DST: variants seen among roughly 807,000 people sequenced by gnomAD.
DST encodes dystonin, also known as bullous pemphigoid antigen.
Under a neutral mutation model 875.2 loss-of-function variants are expected in DST, and 253 were observed. The ratio of observed to expected loss-of-function variants is 0.29; its 90% CI spans 0.26 to 0.32. The LOEUF (loss-of-function observed/expected upper bound fraction) is 0.32, where lower values mean the gene tolerates loss of function less well. Among genes scored for constraint, DST ranks in the 10% least tolerant of loss-of-function variants. DST has a pLI of 1.00. For synonymous variants in DST, 3,124 were observed against 3,197.1 expected (o/e 0.98, Z 0.77); for missense variants, 8,287 against 9,111.6 (o/e 0.91, Z 3.68).
At chr6:56,806,979 A>C (rs2099753661) in intron 4 of DST, among the ~76,000 whole-genome samples, 1 of 152,174 alleles carries the variant, frequency 6.6e-6, no homozygotes, top group Non-Finnish European at 1.5e-5. Context: ...GGCTGAGAGA[A>C]ATTAAAGGAG....
intron 55 of DST, among the ~76,000 whole-genome samples, chr6:56,567,043 GAAT>G (rs1318455725): frequency 2.0e-5 from 3 of 152,288 alleles, no homozygotes; most frequent in Middle Eastern, 3.4e-3. Flanking sequence ...AAACTGATGG[GAAT>G]AATAATACCT....
intron 9 of DST, among the ~76,000 whole-genome samples, chr6:56,690,075 C>CA (rs1241118181): frequency 2.0e-5 from 3 of 152,182 alleles, no homozygotes; most frequent in Non-Finnish European, 2.9e-5. Context: ...CTATTAACAT[C>CA]AATTCCTGCT....
At chr6:56,739,085 C>T in intron 4 of DST, among the ~76,000 whole-genome samples, 1 of 148,774 alleles carries the variant, frequency 6.7e-6, no homozygotes, top group Non-Finnish European at 1.5e-5. Context: ...ATCTATACCT[C>T]ATTCATCTTT....
intron 2 of DST, among the ~76,000 whole-genome samples, chr6:56,938,957 C>T (rs1052190383): frequency 2.6e-5 from 4 of 152,182 alleles, no homozygotes; most frequent in Non-Finnish European, 4.4e-5. Flanking sequence ...CACCAACCCA[C>T]GGAATTGTGA....
At chr6:56,701,596 G>C (rs948504718) in intron 8 of DST, among the ~76,000 whole-genome samples, 1 of 152,082 alleles carries the variant, frequency 6.6e-6, no homozygotes, top group Non-Finnish European at 1.5e-5. Flanking sequence ...CTACTAAAAT[G>C]TCATTAACTT....
intron 36 of DST, chr6:56,624,250 T>G (rs1002883123): frequency 1.7e-5 from 10 of 591,022 alleles, no homozygotes; most frequent in Admixed American, 9.0e-5. Flanking sequence ...AATTTCGTAA[T>G]TTATTTAAGA....
chr6:56,754,673 C>G (rs2099597261), intron 4 of DST, among the ~76,000 whole-genome samples: 1 of 151,982 alleles, frequency 6.6e-6, no homozygotes, highest in African/African-American at 2.4e-5. Context: ...GAGCTGGATT[C>G]AAACAAATCA....
At chr6:56,484,047 C>G (rs2095487955) in intron 88 of DST, 1 of 152,136 alleles carries the variant, frequency 6.6e-6, no homozygotes, top group South Asian at 2.1e-4. Flanking sequence ...CTTGAGCCTT[C>G]CAGTTGTATT....
chr6:56,767,587 C>T (rs1483676973), intron 4 of DST, among the ~76,000 whole-genome samples: 1 of 151,418 alleles, frequency 6.6e-6, no homozygotes, highest in Non-Finnish European at 1.5e-5. Context: ...ACTGTACTTG[C>T]CTGGGTGACA....
chr6:56,619,419 C>A, intron 36 of DST: 1 of 1,613,100 alleles, frequency 6.2e-7, no homozygotes, highest in South Asian at 1.1e-5. Context: ...AGCAACTGCT[C>A]ATGGCTTTTC....
intron 36 of DST, chr6:56,616,569 C>A: frequency 1.2e-6 from 2 of 1,614,128 alleles, no homozygotes; most frequent in Non-Finnish European, 1.7e-6. Context: ...TAATACAGAG[C>A]TTGCTTGTTA....
At chr6:56,615,920 T>C (rs1385382708) in intron 36 of DST, 1 of 1,614,246 alleles carries the variant, frequency 6.2e-7, no homozygotes, top group South Asian at 1.1e-5. Context: ...CTGTCGCAGC[T>C]GCTGGGCAAA....
chr6:56,577,861 C>T (rs1308688584), intron 50 of DST, among the ~76,000 whole-genome samples: 1 of 152,100 alleles, frequency 6.6e-6, no homozygotes, highest in Non-Finnish European at 1.5e-5. Flanking sequence ...AAACTAAATA[C>T]TGTGGTTAGA....
intron 78 of DST, among the ~76,000 whole-genome samples, chr6:56,502,086 A>C (rs1006028581): frequency 6.6e-6 from 1 of 152,132 alleles, no homozygotes; most frequent in Non-Finnish European, 1.5e-5. Context: ...TAAGAAACTC[A>C]AATTAGTATT....
intron 4 of DST, among the ~76,000 whole-genome samples, chr6:56,767,807 G>A (rs966438718): frequency 6.6e-6 from 1 of 151,934 alleles, no homozygotes; most frequent in Non-Finnish European, 1.5e-5. Context: ...TTGAGAAGGG[G>A]GGCATCTGAA....
At chr6:56,559,401 A>C (rs2152564468) in intron 58 of DST, among the ~76,000 whole-genome samples, 1 of 152,244 alleles carries the variant, frequency 6.6e-6, no homozygotes, top group African/African-American at 2.4e-5. Context: ...TTGAACATGA[A>C]GATCCCTTAG....
chr6:56,841,339 T>G (rs2099799735), intron 4 of DST, among the ~76,000 whole-genome samples: 1 of 152,210 alleles, frequency 6.6e-6, no homozygotes, highest in Admixed American at 6.5e-5. Context: ...TACAAATTGA[T>G]GAACTAAGCA....
At chr6:56,950,890 A>C (rs1049371673) in intron 2 of DST, among the ~76,000 whole-genome samples, 2 of 152,188 alleles carry the variant, frequency 1.3e-5, no homozygotes, top group Non-Finnish European at 1.5e-5. Flanking sequence ...TATTATAAAC[A>C]TCTATATTAC....
Position 56,501,628 on chromosome 6 carries a change from A to C in DST, c.19632T>G (p.Leu6544=). Residue 6544 remains leucine, a synonymous_variant, in exon 79 of 104, where the codon CTT becomes CTG. Coordinates refer to ENST00000680361, the MANE Select transcript of DST (RefSeq NM_001374736.1). ...EMERLNHQAE[L]LLKKVTEESD... ...TCTCTTCTGTTACTTTCTTTAGCAA[A>C]AGCTCTGCTTGATGATTCAGTCTTT... 1.2e-6 allele frequency: 2 copies of C among 1,609,388 alleles called. No individual in the cohort carries two copies. The highest frequency in any genetic ancestry group is 1.7e-6 in the Non-Finnish European group (2 of 1,178,060).
Sources: allele counts gnomAD v4.1 joint callset (sites outside exome capture counted in the v4.1 genomes callset), GRCh38; gene constraint gnomAD v4.1.1; transcripts MANE v1.5; gene names NCBI Gene and HGNC (gene_info 2026-07-23, HGNC 2026-07-21).